Variants in SPATA24 observed in about 807,000 individuals in gnomAD.
SPATA24 encodes spermatogenesis-associated protein 24.
In SPATA24, 21 loss-of-function variants were observed where a neutral mutation model predicts 28.9. That is an observed-to-expected ratio of 0.73 (90% confidence interval 0.52 to 1.05). SPATA24 has a LOEUF of 1.05. SPATA24 is among the 50% of genes least tolerant of loss of function. SPATA24 has a pLI of 0.00. For missense variants in SPATA24, 215 were observed against 242.9 expected (o/e 0.88, Z 0.76); for synonymous variants, 76 against 89.9 (o/e 0.85, Z 0.88).
At chr5:139,400,588 A>G (rs957493778) in intron 4 of SPATA24, among the ~76,000 whole-genome samples, 1 of 152,064 alleles carries the variant, frequency 6.6e-6, no homozygotes, top group South Asian at 2.1e-4. Context: ...GATTACAGGC[A>G]TGAGCCACCG....
downstream of SPATA24, chr5:139,392,910 C>G (rs368156469): frequency 1.4e-5 from 21 of 1,537,252 alleles, no homozygotes; most frequent in African/African-American, 1.8e-4. This position sits in a 1 kb window ranked among gnomAD's most constrained non-coding sequence, Gnocchi z 5.8. Flanking sequence ...AGGGCTTCGC[C>G]GTGCTGTTCT....
chr5:139,393,591 G>A (rs1442319614), downstream of SPATA24: 1 of 1,550,888 alleles, frequency 6.4e-7, no homozygotes, highest in East Asian at 2.4e-5. Context: ...AGGCCGGCGG[G>A]GACGGGCTGC....
chr5:139,396,681 G>A (rs1758714412), downstream of SPATA24: 3 of 1,539,436 alleles, frequency 1.9e-6, no homozygotes, highest in Non-Finnish European at 2.6e-6. Context: ...CCCACCTTGT[G>A]GACCCCTACC....
chr5:139,402,722 C>T, intron 1 of SPATA24, 29 bp from the exon 2 acceptor site: 1 of 1,547,812 alleles, frequency 6.5e-7, no homozygotes, highest in Non-Finnish European at 8.7e-7. Context: ...GAGGGAGGGC[C>T]TGGGGCTGGA....
intron 4 of SPATA24, among the ~76,000 whole-genome samples, chr5:139,399,279 C>T (rs1343733505): frequency 2.7e-5 from 4 of 148,682 alleles, no homozygotes; most frequent in Non-Finnish European, 3.0e-5. Context: ...ATCTCGACAC[C>T]GCACTCCAGC....
Position 139,396,850 on chromosome 5 carries a change from C to T in SPATA24, c.568G>A (p.Ala190Thr). The part of the protein sequence containing the change: ...AQVLDQKHKK[A>T]SGTRQARSHQ... ...CTGCGGGCCTGACGTGTCCCTGAGG[C>T]TTTCTTATGCTTCTGGTCCAGCACC... Residue 190 changes from alanine to threonine, a missense_variant, in exon 6 of 6, where the codon GCC becomes ACC. Ala to Thr is a moderately conservative substitution (Grantham distance 58). Coordinates refer to ENST00000450845, the MANE Select transcript of SPATA24 (RefSeq NM_194296.2). 3.2e-6 allele frequency: 5 copies of T among 1,551,732 alleles called. No homozygotes were observed. Among genetic ancestry groups the T allele is most frequent in the Non-Finnish European group, 4.4e-6 (5 of 1,147,002 alleles).
chr5:139,394,983 G>A, downstream of SPATA24: 3 of 1,506,672 alleles, frequency 2.0e-6, no homozygotes, highest in Non-Finnish European at 2.7e-6. Flanking sequence ...CCGTGTAGTA[G>A]GAGCCTGACG....
intron 4 of SPATA24, chr5:139,401,524 A>C (rs1199169308): frequency 1.5e-6 from 1 of 657,590 alleles, no homozygotes. Flanking sequence ...AATGGGAGCA[A>C]GCCCATTCCT....
chr5:139,394,866 G>T (rs1758668704), downstream of SPATA24: 4 of 1,528,328 alleles, frequency 2.6e-6, no homozygotes, highest in Non-Finnish European at 3.5e-6. Flanking sequence ...GGGCGCTGAC[G>T]GACAGGCGAG....
rs567373104 is a variant in SPATA24, at chr5:139,398,577, T to TAATA, written c.386-1438_386-1435dup. On this transcript the variant is annotated intron_variant, in intron 4 of 5. Coordinates refer to ENST00000450845, the MANE Select transcript of SPATA24 (RefSeq NM_194296.2). ...GACAGAGCAAGACCCTGTCTCTAAA[T>TAATA]AATAAATAAATAAATAAATGATAAT... 4.6e-5 allele frequency among the ~76,000 whole-genome samples: 7 copies of TAATA among 150,914 alleles called. No individual in the cohort carries two copies. The Middle Eastern group carries it at 0.014, about 304-fold the overall frequency.
At chr5:139,394,001 C>T (rs757335694), downstream of SPATA24, 1 of 1,550,656 alleles carries the variant, frequency 6.4e-7, no homozygotes, top group South Asian at 1.2e-5. Context: ...TCCGGCGCCT[C>T]TCGCGGGAAC....
At chr5:139,394,093 G>A, downstream of SPATA24, 1 of 1,550,308 alleles carries the variant, frequency 6.5e-7, no homozygotes, top group Non-Finnish European at 8.7e-7. Flanking sequence ...CTCCGTCCCG[G>A]GCGCAGGCTT....
downstream of SPATA24, chr5:139,394,694 C>A: frequency 2.6e-6 from 4 of 1,533,744 alleles, no homozygotes; most frequent in Non-Finnish European, 3.5e-6. Flanking sequence ...TGTTGCGCCT[C>A]GCGATCGTCT....
Position 139,402,624 on chromosome 5 carries a change from T to C in SPATA24, c.183+4A>G. 1 of 1,551,636 alleles carries C rather than the reference T, an allele frequency of 6.4e-7. No homozygotes were observed. The highest frequency in any genetic ancestry group is 2.4e-5 in the East Asian group (1 of 40,910). ...ATTAGGAGACCGCAGAGGCCATTAC[T>C]TACCACCAGCTTCTTCTCCACTGCC... On this transcript the variant is annotated splice_donor_region_variant and intron_variant, in intron 2 of 5. Transcript: ENST00000450845.
downstream of SPATA24, chr5:139,394,940 G>C (rs1273696945): frequency 2.0e-6 from 3 of 1,521,516 alleles, no homozygotes; most frequent in Non-Finnish European, 2.6e-6. Flanking sequence ...TTCGCGTCCG[G>C]CCCAACGTCC....
At chr5:139,399,675 AAAAACCAAACT>A (rs1438140577) in intron 4 of SPATA24, among the ~76,000 whole-genome samples, 5 of 152,262 alleles carry the variant, frequency 3.3e-5, no homozygotes, top group Non-Finnish European at 5.9e-5. Context: ...ATGTAAGTGT[AAAAACCAAACT>A]GAAACCACAC....
chr5:139,393,065 G>T (rs1179383514), downstream of SPATA24: 2 of 1,529,188 alleles, frequency 1.3e-6, no homozygotes, highest in South Asian at 2.5e-5. Flanking sequence ...GGGGCGGGGG[G>T]CCCCAGTGCT....
chr5:139,393,656 G>T, downstream of SPATA24: 7 of 1,550,880 alleles, frequency 4.5e-6, no homozygotes, highest in Non-Finnish European at 4.4e-6. Context: ...CACAGGGAAG[G>T]GGCTTCGAGG....
At chr5:139,393,132 C>T, downstream of SPATA24, 1 of 1,532,296 alleles carries the variant, frequency 6.5e-7, no homozygotes, top group Non-Finnish European at 8.8e-7. Context: ...CGGCAGGAGG[C>T]GCAGGCAGCC....
Sources: allele counts gnomAD v4.1 joint callset (sites outside exome capture counted in the v4.1 genomes callset), GRCh38; gene constraint gnomAD v4.1.1; non-coding constraint Gnocchi (gnomAD v3.1); transcripts MANE v1.5; gene names NCBI Gene and HGNC (gene_info 2026-07-23, HGNC 2026-07-21).